The following CDH18 variants were observed in gnomAD, a reference collection of about 807,000 sequenced individuals.
CDH18 encodes the protein cadherin-18.
CDH18 carries 31 observed loss-of-function variants against 67.9 expected under a neutral mutation model. That is an observed-to-expected ratio of 0.46 (90% CI 0.34 to 0.62). The LOEUF is 0.62. CDH18 is among the 20% of genes least tolerant of loss of function. The pLI, the probability that CDH18 is intolerant of heterozygous loss-of-function variation, is 0.01. For synonymous variants in CDH18, 362 were observed against 347.2 expected (o/e 1.04, Z -0.48); for missense variants, 890 against 975.5 (o/e 0.91, Z 1.17).
intron 3 of CDH18, among the ~76,000 whole-genome samples, chr5:19,805,916 C>A (rs1205333377): frequency 6.6e-6 from 1 of 152,172 alleles, no homozygotes; most frequent in Non-Finnish European, 1.5e-5. Context: ...CCAGTGGATT[C>A]CCAAACACTT....
intron 3 of CDH18, among the ~76,000 whole-genome samples, chr5:19,776,919 A>G (rs181827765): frequency 5.5e-4 from 84 of 152,338 alleles, no homozygotes; most frequent in African/African-American, 2.0e-3. Context: ...CCAGTAACAA[A>G]AACAAGTATT....
chr5:19,924,328 T>C (rs1792855835), intron 2 of CDH18, among the ~76,000 whole-genome samples: 1 of 152,224 alleles, frequency 6.6e-6, no homozygotes, highest in East Asian at 1.9e-4. Flanking sequence ...TTTTTATTTT[T>C]CTTTAGCTTT....
intron 5 of CDH18, among the ~76,000 whole-genome samples, chr5:19,679,980 A>G (rs1478064107): frequency 1.3e-5 from 2 of 152,030 alleles, no homozygotes; most frequent in Non-Finnish European, 2.9e-5. Context: ...CCAAATAACC[A>G]AAGCAATCCT....
In CDH18 at chr5:19,472,658, C is replaced by T. The variant is rs2126481581; in HGVS notation, c.*568G>A. On this transcript the variant is annotated 3_prime_UTR_variant, in exon 13 of 13. Transcript: ENST00000382275. ...GTATGGAGAAAAGAACTGGGGAGGG[C>T]AAAGGGAAATGGTACATACAAGTCC... is the stretch of plus-strand genomic sequence containing the variant. Among the ~76,000 whole-genome samples, 1 of 151,950 alleles carries T rather than the reference C, an allele frequency of 6.6e-6. No homozygotes were observed. Among genetic ancestry groups the T allele is most frequent in the East Asian group, 1.9e-4 (1 of 5,144 alleles).
chr5:19,892,292 G>T (rs2150086765), intron 2 of CDH18, among the ~76,000 whole-genome samples: 1 of 152,100 alleles, frequency 6.6e-6, no homozygotes, highest in Middle Eastern at 3.4e-3. Context: ...ACCTTTGGGA[G>T]GAAAAATAAT....
In CDH18 at chr5:20,468,274, C is replaced by T. The variant is rs147118860; in HGVS notation, c.-580+107188G>A. On this transcript the variant is annotated intron_variant, in intron 1 of 14. Transcript: ENST00000507958. ...CAAGTGATCTGCCTGCCTTGGCCTCCCAAAGCATTGGGATTACAGGCATGA... is the reference window on the plus strand; with the variant it reads ...CAAGTGATCTGCCTGCCTTGGCCTCTCAAAGCATTGGGATTACAGGCATGA... 4.9e-4 allele frequency among the ~76,000 whole-genome samples: 75 copies of T among 152,212 alleles called. No individual in the cohort carries two copies. The East Asian group carries it at 0.012, about 25-fold the overall frequency.
rs577145120 is a variant in CDH18, at chr5:19,685,686, T to A, written c.643+35661A>T. On this transcript the variant is annotated intron_variant, in intron 5 of 12. Coordinates refer to ENST00000382275, the MANE Select transcript of CDH18 (RefSeq NM_004934.5). ...TTCAATTCCCTGACTCATGAGCTCC[T>A]TCTGCCTTGGTTACTCCAGCTCTCT... is the stretch of plus-strand genomic sequence containing the variant. Among the ~76,000 whole-genome samples, 99 of 152,340 alleles carry A rather than the reference T, an allele frequency of 6.5e-4. 1 individual carries two copies. The highest frequency in any genetic ancestry group is 1.8e-3 in the African/African-American group (75 of 41,588).
intron 1 of CDH18, among the ~76,000 whole-genome samples, chr5:20,257,451 T>C (rs953862266): frequency 7.4e-5 from 11 of 147,908 alleles, no homozygotes; most frequent in African/African-American, 2.8e-4. Flanking sequence ...GCAAAAAGCA[T>C]ATGGCTGATC....
chr5:20,123,841 C>G (rs142595573), intron 2 of CDH18, among the ~76,000 whole-genome samples: 2 of 138,446 alleles, frequency 1.4e-5, no homozygotes, highest in Admixed American at 1.6e-4. Context: ...GAGCTGAGAT[C>G]GTGCTACTGC....
At chr5:20,548,828 G>A (rs1266663079) in intron 1 of CDH18, among the ~76,000 whole-genome samples, 1 of 152,132 alleles carries the variant, frequency 6.6e-6, no homozygotes, top group Non-Finnish European at 1.5e-5. Context: ...GTACACACAG[G>A]TAGCTATGGG....
chr5:20,358,093 C>T (rs989381258), intron 1 of CDH18, among the ~76,000 whole-genome samples: 8 of 152,112 alleles, frequency 5.3e-5, no homozygotes, highest in Non-Finnish European at 1.2e-4. Context: ...GGAAGCTAAA[C>T]ATTAAGCGTA....
chr5:20,508,609 G>T (rs1231870263), intron 1 of CDH18, among the ~76,000 whole-genome samples: 2 of 151,652 alleles, frequency 1.3e-5, no homozygotes, highest in Non-Finnish European at 2.9e-5. Context: ...CTCTCAGGAG[G>T]TAAAGAAATA....
intron 4 of CDH18, among the ~76,000 whole-genome samples, chr5:19,731,512 G>A (rs986835893): frequency 6.6e-6 from 1 of 151,992 alleles, no homozygotes; most frequent in Non-Finnish European, 1.5e-5. Context: ...TTGGACTTTG[G>A]AGCATTTTGA....
At chr5:19,593,125 C>A (rs1745448857) in intron 6 of CDH18, among the ~76,000 whole-genome samples, 1 of 152,068 alleles carries the variant, frequency 6.6e-6, no homozygotes, top group South Asian at 2.1e-4. Flanking sequence ...CTGCAATAAA[C>A]ATAGGAATGC....
At chr5:19,514,858 T>C (rs347718) in intron 10 of CDH18, among the ~76,000 whole-genome samples, 32,113 of 152,060 alleles carry the variant, frequency 0.21, 3,666 homozygotes, top group African/African-American at 0.27. Context: ...TAATTAGATC[T>C]CATTTGTCTA....
At chr5:19,580,709 G>A (rs1423428507) in intron 7 of CDH18, among the ~76,000 whole-genome samples, 1 of 151,876 alleles carries the variant, frequency 6.6e-6, no homozygotes, top group Non-Finnish European at 1.5e-5. Context: ...GGAAACTAAG[G>A]CATAGGACAG....
chr5:19,688,153 C>A (rs1335688280), intron 5 of CDH18, among the ~76,000 whole-genome samples: 1 of 152,160 alleles, frequency 6.6e-6, no homozygotes, highest in Non-Finnish European at 1.5e-5. Context: ...GCCATACACA[C>A]TACCCAAAAC....
intron 2 of CDH18, among the ~76,000 whole-genome samples, chr5:20,114,258 A>G (rs1580273655): frequency 1.3e-5 from 2 of 152,362 alleles, no homozygotes; most frequent in Admixed American, 6.5e-5. Context: ...GCTGATATGC[A>G]GTGCCAGCTC....
intron 2 of CDH18, among the ~76,000 whole-genome samples, chr5:19,875,376 C>T (rs1411346761): frequency 6.6e-6 from 1 of 151,398 alleles, no homozygotes; most frequent in Non-Finnish European, 1.5e-5. Context: ...TGAAAATATT[C>T]TTCTATTTCT....
Sources: allele counts gnomAD v4.1 joint callset (sites outside exome capture counted in the v4.1 genomes callset), GRCh38; gene constraint gnomAD v4.1.1; transcripts MANE v1.5; gene names NCBI Gene and HGNC (gene_info 2026-07-23, HGNC 2026-07-21).